The following VPS53 variants were observed in gnomAD, a reference collection of about 807,000 sequenced individuals.
The protein encoded by VPS53 is vacuolar protein sorting-associated protein 53 homolog.
Under a neutral mutation model 107.0 loss-of-function variants are expected in VPS53, and 70 were observed. The observed-to-expected ratio is 0.65, with a 90% CI of 0.54 to 0.80. VPS53 has a LOEUF of 0.80. Ranked by LOEUF, VPS53 falls within the 30% of genes least tolerant of loss-of-function variation. The pLI, the probability that VPS53 is intolerant of heterozygous loss-of-function variation, is 0.00. For missense variants in VPS53, 917 were observed against 1,049.4 expected (o/e 0.87, Z 1.74); for synonymous variants, 409 against 393.3 (o/e 1.04, Z -0.47).
chr17:556,897 G>T (rs1912439153), intron 15 of VPS53, among the ~76,000 whole-genome samples: 1 of 150,824 alleles, frequency 6.6e-6, no homozygotes, highest in Admixed American at 6.6e-5. Flanking sequence ...GGGGTGGCCA[G>T]GAGGGCCTCT....
intron 11 of VPS53, among the ~76,000 whole-genome samples, 193 bp from the exon 12 acceptor site, chr17:602,089 G>A (rs139475966): frequency 7.2e-5 from 11 of 152,030 alleles, no homozygotes; most frequent in African/African-American, 2.4e-4. Context: ...CAACCTCCCC[G>A]ACCACCCCGC....
At chr17:660,898 G>A (rs1840891987) in intron 5 of VPS53, among the ~76,000 whole-genome samples, 1 of 152,142 alleles carries the variant, frequency 6.6e-6, no homozygotes, top group South Asian at 2.1e-4. Flanking sequence ...GTCTGAATCT[G>A]AACCCAGGAT....
At chr17:580,272 C>A (rs890291558) in intron 13 of VPS53, among the ~76,000 whole-genome samples, 2 of 150,780 alleles carry the variant, frequency 1.3e-5, no homozygotes, top group African/African-American at 4.9e-5. Flanking sequence ...TTAATGCGTT[C>A]CCAGAGAAAT....
rs1055793092 is a variant in VPS53 at position 711,725 on chromosome 17, A to C, written c.88-1112T>G. On this transcript the variant is annotated intron_variant, in intron 1 of 21. Transcript: ENST00000437048. ...TGTAACAAGGCTCCTAACAAAAGCC[A>C]GCTGAAAAAAGAATGACTGGTTCCA... Among the ~76,000 whole-genome samples, 13 of 152,182 alleles carry C rather than the reference A, an allele frequency of 8.5e-5. No homozygotes were observed. The East Asian group carries it at 1.7e-3, about 20-fold the overall frequency.
chr17:673,358 G>C (rs551459728), intron 4 of VPS53, among the ~76,000 whole-genome samples: 2 of 152,160 alleles, frequency 1.3e-5, no homozygotes, highest in South Asian at 4.1e-4. Context: ...TGGAAACGAG[G>C]TATCCCCAGC....
At chr17:713,037 C>T (rs2144041587) in intron 1 of VPS53, among the ~76,000 whole-genome samples, 1 of 152,240 alleles carries the variant, frequency 6.6e-6, no homozygotes, top group East Asian at 1.9e-4. Flanking sequence ...AATCCAACCA[C>T]TACTGGAAAA....
chr17:587,865 T>C (rs183835138), intron 12 of VPS53, among the ~76,000 whole-genome samples: 14 of 152,312 alleles, frequency 9.2e-5, no homozygotes, highest in Middle Eastern at 3.4e-3. Context: ...TGAGGTATGA[T>C]TGACATTTTA....
chr17:709,838 C>T (rs77290307), intron 2 of VPS53, among the ~76,000 whole-genome samples: 14,967 of 152,114 alleles, frequency 0.098, 821 homozygotes, highest in East Asian at 0.21. Flanking sequence ...AATAATAAAA[C>T]GTGAAGTCTA....
At chr17:598,815 G>T (rs1185263515) in intron 12 of VPS53, among the ~76,000 whole-genome samples, 5 of 117,644 alleles carry the variant, frequency 4.3e-5, no homozygotes, top group Admixed American at 9.0e-5. Flanking sequence ...CAGCCACCCC[G>T]TCTGGGAAGT....
chr17:697,818 G>A (rs1973038415), intron 3 of VPS53, among the ~76,000 whole-genome samples: 1 of 152,196 alleles, frequency 6.6e-6, no homozygotes, highest in African/African-American at 2.4e-5. Flanking sequence ...ACGTGAACAT[G>A]CCAGATAACT....
chr17:529,093 T>G (rs984659923), intron 19 of VPS53, among the ~76,000 whole-genome samples: 1 of 152,184 alleles, frequency 6.6e-6, no homozygotes, highest in African/African-American at 2.4e-5. Context: ...GTCAAGATTT[T>G]TTTCCGATAT....
At chr17:675,793 A>G (rs537381916) in intron 4 of VPS53, 3 of 145,656 alleles carry the variant, frequency 2.1e-5, no homozygotes, top group Non-Finnish European at 4.6e-5. Flanking sequence ...AAAAAAACTT[A>G]CTTGGTAGTA....
intron 13 of VPS53, among the ~76,000 whole-genome samples, chr17:580,064 C>A (rs1401577760): frequency 2.0e-5 from 3 of 150,040 alleles, no homozygotes; most frequent in Admixed American, 6.6e-5. Flanking sequence ...AAACCTCCCT[C>A]AGGACCTAAT....
intron 11 of VPS53, among the ~76,000 whole-genome samples, chr17:612,018 G>C (rs915941657): frequency 3.3e-5 from 5 of 151,252 alleles, no homozygotes; most frequent in Non-Finnish European, 1.5e-5. Flanking sequence ...AATTCACACA[G>C]TGAAAACCTG....
intron 7 of VPS53, among the ~76,000 whole-genome samples, chr17:635,524 T>G (rs1970161348): frequency 6.6e-6 from 1 of 152,168 alleles, no homozygotes; most frequent in African/African-American, 2.4e-5. Flanking sequence ...GTTTTTATGG[T>G]TTTAGGTCTA....
At position 709,148 on chromosome 17, in the gene VPS53, C is replaced by T. The variant is rs77847018; in HGVS notation, c.168+1385G>A. Among the ~76,000 whole-genome samples the T allele has an allele frequency of 9.9e-5, 15 of 151,946 alleles. No homozygotes were observed. In the East Asian group the frequency reaches 2.3e-3, roughly 24 times the overall value. On this transcript the variant is annotated intron_variant, in intron 2 of 21. Coordinates refer to ENST00000437048, the MANE Select transcript of VPS53 (RefSeq NM_001128159.3). ...TTTATTTAAAGGACCCTCCGCAGCA[C>T]GCTCTGTCACGGAACCTGCCTGGTA...
chr17:691,805 T>G (rs1972785036), intron 4 of VPS53, among the ~76,000 whole-genome samples: 1 of 152,236 alleles, frequency 6.6e-6, no homozygotes, highest in Non-Finnish European at 1.5e-5. Context: ...GATGCTGGCA[T>G]ACTGTCATAA....
At chr17:661,344 AC>A (rs759130586) in intron 5 of VPS53, among the ~76,000 whole-genome samples, 24 of 151,744 alleles carry the variant, frequency 1.6e-4, no homozygotes, top group Non-Finnish European at 3.1e-4. Flanking sequence ...ACATGGTGAA[AC>A]CCTTTCTCTA....
chr17:688,986 T>C (rs768102503), intron 4 of VPS53, among the ~76,000 whole-genome samples: 13 of 152,240 alleles, frequency 8.5e-5, no homozygotes, highest in Non-Finnish European at 1.5e-4. Flanking sequence ...TCTTGGCCAC[T>C]AATGGGAAAC....
Sources: gnomAD v4.1 joint callset for allele counts (sites outside exome capture counted in the v4.1 genomes callset) on GRCh38, gnomAD v4.1.1 for gene constraint, MANE v1.5 for transcripts, NCBI Gene and HGNC (gene_info 2026-07-23, HGNC 2026-07-21) for gene names.